ETNK1: variants seen among roughly 807,000 people sequenced by gnomAD.
The protein encoded by ETNK1 is putative protein product of Nbla10396.
A neutral mutation model predicts 45.1 loss-of-function variants in ETNK1; 8 were observed. The ratio of observed to expected loss-of-function variants is 0.18; its 90% CI spans 0.10 to 0.32. The LOEUF (loss-of-function observed/expected upper bound fraction) is 0.32, where lower values mean the gene tolerates loss of function less well. Among genes scored for constraint, ETNK1 ranks in the 10% least tolerant of loss-of-function variants. The pLI, the probability that ETNK1 is intolerant of heterozygous loss-of-function variation, is 1.00. For synonymous variants in ETNK1, 152 were observed against 151.9 expected, an observed-to-expected ratio of 1.00 and a Z score of -0.01; for missense variants, 302 against 430.6, an observed-to-expected ratio of 0.70 and a Z score of 2.64.
intron 1 of ETNK1, among the ~76,000 whole-genome samples, chr12:22,629,473 G>A (rs961303075): frequency 2.6e-5 from 4 of 152,124 alleles, no homozygotes; most frequent in Non-Finnish European, 5.9e-5. Context: ...TTCTAACAGT[G>A]TTGGAGGTAG....
intron 1 of ETNK1, among the ~76,000 whole-genome samples, chr12:22,637,779 C>T (rs1406507194): frequency 6.6e-6 from 1 of 151,726 alleles, no homozygotes; most frequent in African/African-American, 2.4e-5. Flanking sequence ...AGGATGTGTA[C>T]AAAATAGTGT....
intron 1 of ETNK1, among the ~76,000 whole-genome samples, chr12:22,632,092 T>C (rs1953588029): frequency 6.7e-6 from 1 of 149,014 alleles, no homozygotes; most frequent in Non-Finnish European, 1.5e-5. Flanking sequence ...TTTTTTTTTC[T>C]AATTAACAAA....
intron 1 of ETNK1, among the ~76,000 whole-genome samples, chr12:22,641,081 TC>T (rs1195145346): frequency 6.6e-6 from 1 of 152,162 alleles, no homozygotes; most frequent in Non-Finnish European, 1.5e-5. Flanking sequence ...TACCTGTACA[TC>T]TTTAAACTGA....
At chr12:22,665,284 C>T (rs1954043431) in intron 4 of ETNK1, among the ~76,000 whole-genome samples, 1 of 152,106 alleles carries the variant, frequency 6.6e-6, no homozygotes, top group African/African-American at 2.4e-5. Context: ...TTCTTGGCCC[C>T]ACCCATGACC....
chr12:22,668,766 CTCAA>C lies in ETNK1; in HGVS notation c.701-2505_701-2502del, dbSNP rs919762099. On this transcript the variant is annotated intron_variant, in intron 4 of 7. Coordinates refer to ENST00000266517, the MANE Select transcript of ETNK1 (RefSeq NM_018638.5). The stretch of plus-strand genomic sequence containing the variant: ...TTTTTAAAATTTCATTATTTATAAA[CTCAA>C]CATAGCATTTAAAAATAAAGGCTAG... Among the ~76,000 whole-genome samples the C allele has an allele frequency of 9.2e-5, 14 of 152,018 alleles. 1 individual carries two copies. The highest frequency in any genetic ancestry group is 3.4e-4 in the African/African-American group (14 of 41,354).
chr12:22,686,640 C>T lies in ETNK1; in HGVS notation c.*1686C>T, dbSNP rs1954262435. The T allele has an allele frequency of 6.6e-6, 1 of 152,104 alleles. No individual in the cohort carries two copies. Among genetic ancestry groups the T allele is most frequent in the Admixed American group, 6.6e-5 (1 of 15,216 alleles). The allele number at this position is 152,104 out of a possible 1,614,324, so 9.4% of individuals were successfully genotyped here. ...GTGTTAGACCAGATTTGGTTTCTAC[C>T]TCCCCAATGTTATAAATGTTCACTT... On this transcript the variant is annotated 3_prime_UTR_variant, in exon 8 of 8. Transcript: ENST00000266517.
intron 1 of ETNK1, among the ~76,000 whole-genome samples, chr12:22,633,964 A>G (rs908945355): frequency 6.6e-6 from 1 of 152,086 alleles, no homozygotes; most frequent in African/African-American, 2.4e-5. Flanking sequence ...CTGCACTAGT[A>G]AGGACCTCTC....
chr12:22,661,300 A>C (rs1953997241), intron 4 of ETNK1, 95 bp downstream of exon 4: 3 of 1,030,976 alleles, frequency 2.9e-6, no homozygotes, highest in Admixed American at 2.9e-5. Flanking sequence ...TTCAAATGCA[A>C]GGAGTAAGAG....
intron 2 of ETNK1, among the ~76,000 whole-genome samples, chr12:22,652,539 A>G (rs959864265): frequency 6.6e-6 from 1 of 152,196 alleles, no homozygotes; most frequent in African/African-American, 2.4e-5. Flanking sequence ...TGTAGTAACC[A>G]TTCTAATGGA....
At chr12:22,671,617 T>A (rs1193260406) in intron 5 of ETNK1, among the ~76,000 whole-genome samples, 1 of 151,946 alleles carries the variant, frequency 6.6e-6, no homozygotes, top group Non-Finnish European at 1.5e-5. Context: ...GGTGGGCGGA[T>A]CACGAGGTCA....
chr12:22,651,183 G>C (rs1184494051), intron 2 of ETNK1, among the ~76,000 whole-genome samples: 8 of 152,200 alleles, frequency 5.3e-5, no homozygotes, highest in Non-Finnish European at 1.2e-4. Flanking sequence ...ACGGAAGATT[G>C]GTCGGACCAG....
chr12:22,644,270 G>A (rs200603935), intron 2 of ETNK1: 145 of 1,608,464 alleles, frequency 9.0e-5, no homozygotes, highest in Non-Finnish European at 1.1e-4. Context: ...TTAACCGGCT[G>A]CAGAGGGTCA....
At chr12:22,633,967 G>C (rs544023638) in intron 1 of ETNK1, among the ~76,000 whole-genome samples, 1 of 151,898 alleles carries the variant, frequency 6.6e-6, no homozygotes, top group South Asian at 2.1e-4. Context: ...CACTAGTAAG[G>C]ACCTCTCTAA....
chr12:22,681,932 C>T (rs938276831), intron 6 of ETNK1, among the ~76,000 whole-genome samples: 1 of 151,974 alleles, frequency 6.6e-6, no homozygotes, highest in Non-Finnish European at 1.5e-5. Flanking sequence ...GATACTAGAC[C>T]AAAGCTCAAC....
intron 1 of ETNK1, among the ~76,000 whole-genome samples, chr12:22,628,278 AATT>A (rs1372337349): frequency 6.6e-6 from 1 of 152,114 alleles, no homozygotes; most frequent in East Asian, 1.9e-4. Flanking sequence ...CCATCTTATG[AATT>A]ATTGTTCTAT....
intron 6 of ETNK1, among the ~76,000 whole-genome samples, chr12:22,684,269 T>C (rs1954239676): frequency 6.6e-6 from 1 of 152,126 alleles, no homozygotes; most frequent in Non-Finnish European, 1.5e-5. Flanking sequence ...GATTATAATT[T>C]ACCATAATCT....
Position 22,671,979 on chromosome 12 carries a change from T to G in ETNK1, c.784+624T>G, listed in dbSNP as rs572846982. Among the ~76,000 whole-genome samples, 6 of 151,898 alleles carry G rather than the reference T, an allele frequency of 4.0e-5. No homozygotes were observed. The South Asian group carries it at 1.0e-3, about 26-fold the overall frequency. On this transcript the variant is annotated intron_variant, in intron 5 of 7. Transcript: ENST00000266517. ...CCACAGCAGCCCTACAAGGTAATAC[T>G]CGCAGTTTACATATCAAGAAAGAAA... is the stretch of plus-strand genomic sequence containing the variant.
rs1052111149 is a variant in ETNK1, at chr12:22,673,680, A to C, written c.945+20A>C. ...GCATTGGTAAGTTTAAATGTACACA[A>C]TTAATGAAAGGTTCTTACTGTAATT... is the stretch of plus-strand genomic sequence containing the variant. On this transcript the variant is annotated intron_variant, in intron 6 of 7. Coordinates refer to ENST00000266517, the MANE Select transcript of ETNK1 (RefSeq NM_018638.5). 2 of 1,586,512 alleles carry C rather than the reference A, an allele frequency of 1.3e-6. No homozygotes were observed. Among genetic ancestry groups the C allele is most frequent in the East Asian group, 2.3e-5 (1 of 44,394 alleles).
intron 6 of ETNK1, among the ~76,000 whole-genome samples, chr12:22,679,617 C>T (rs903494535): frequency 5.9e-5 from 9 of 152,100 alleles, no homozygotes; most frequent in African/African-American, 2.2e-4. Flanking sequence ...TAAGACTTCG[C>T]ATTCTCCTAG....
Sources: allele counts gnomAD v4.1 joint callset (sites outside exome capture counted in the v4.1 genomes callset), GRCh38; gene constraint gnomAD v4.1.1; transcripts MANE v1.5; gene names NCBI Gene and HGNC (gene_info 2026-07-23, HGNC 2026-07-21).